AFF2: variants seen among roughly 807,000 people sequenced by gnomAD.
AFF2 encodes AF4/FMR2 family member 2.
A neutral mutation model predicts 76.9 loss-of-function variants in AFF2; 14 were observed. The observed-to-expected ratio is 0.18, with a 90% CI of 0.12 to 0.28. The LOEUF is 0.28. AFF2 is among the 10% of genes least tolerant of loss of function. The pLI, the probability that AFF2 is intolerant of heterozygous loss-of-function variation, is 1.00. For synonymous variants in AFF2, 398 were observed against 366.7 expected, an observed-to-expected ratio of 1.09 and a Z score of -0.98; for missense variants, 868 against 1,001.1, an observed-to-expected ratio of 0.87 and a Z score of 1.79.
intron 1 of AFF2, among the ~76,000 whole-genome samples, chrX:148,569,667 G>A (rs1557242211): frequency 9.0e-6 from 1 of 111,306 alleles, no homozygotes; most frequent in Non-Finnish European, 1.9e-5. Context: ...TTGACCTCTA[G>A]AGCTGAAGTC....
At chrX:148,688,561 G>A (rs782137256) in intron 3 of AFF2, among the ~76,000 whole-genome samples, 3 of 111,430 alleles carry the variant, frequency 2.7e-5, no homozygotes, top group Non-Finnish European at 5.6e-5. Context: ...GGAGTATAGT[G>A]AAATTAATTT....
chrX:148,890,150 G>A (rs2124162101), intron 8 of AFF2, among the ~76,000 whole-genome samples: 1 of 111,802 alleles, frequency 8.9e-6, no homozygotes, highest in Admixed American at 9.5e-5. Flanking sequence ...CTGTGTGCCT[G>A]GCCATGAGTA....
At chrX:148,700,833 C>T (rs1447201013) in intron 3 of AFF2, among the ~76,000 whole-genome samples, 3 of 111,237 alleles carry the variant, frequency 2.7e-5, no homozygotes, top group Non-Finnish European at 1.9e-5. Context: ...AAGCAAATGT[C>T]CTGTCAAAAT....
chrX:148,865,089 T>A (rs1407957049), intron 7 of AFF2, among the ~76,000 whole-genome samples: 1 of 112,466 alleles, frequency 8.9e-6, no homozygotes, highest in African/African-American at 3.2e-5. Context: ...AATTGAATAA[T>A]GTGAAATAAC....
intron 3 of AFF2, among the ~76,000 whole-genome samples, chrX:148,683,525 G>T (rs1557260112): frequency 8.9e-6 from 1 of 112,073 alleles, no homozygotes; most frequent in African/African-American, 3.2e-5. Context: ...TCTTGCGAAT[G>T]AAGAGGTCTG....
chrX:148,913,896 A>G (rs1478761221), intron 9 of AFF2, among the ~76,000 whole-genome samples: 19 of 112,380 alleles, frequency 1.7e-4, no homozygotes, highest in Admixed American at 7.5e-4. Context: ...GTAGAGTCAC[A>G]TAGCTAACCT....
chrX:148,891,227 G>A lies in AFF2; in HGVS notation c.1359+5242G>A, dbSNP rs140414287. 9.9e-3 allele frequency among the ~76,000 whole-genome samples: 1,108 copies of A among 111,462 alleles called. 41 individuals are homozygous for A. Among genetic ancestry groups the A allele is most frequent in the Admixed American group, 0.091 (955 of 10,489 alleles). ...CGTTTTGGGAGTGGGAATATGTTAT[G>A]TTCTCTGTATGCCCTGCCTCATACC... On this transcript the variant is annotated intron_variant, in intron 8 of 20. Coordinates refer to ENST00000370460, the MANE Select transcript of AFF2 (RefSeq NM_002025.4).
chrX:148,672,607 C>G, intron 3 of AFF2, among the ~76,000 whole-genome samples: 1 of 112,068 alleles, frequency 8.9e-6, no homozygotes, highest in Non-Finnish European at 1.9e-5. Context: ...GTTAAAATTC[C>G]CTTCTTAGGT....
At chrX:148,949,663 G>T (rs2071942388) in intron 9 of AFF2, among the ~76,000 whole-genome samples, 1 of 112,520 alleles carries the variant, frequency 8.9e-6, no homozygotes. Context: ...ACAAATGTGG[G>T]TCCTTTGAGA....
intron 3 of AFF2, chrX:148,718,975 C>A: frequency 1.4e-6 from 1 of 733,661 alleles, no homozygotes; most frequent in Non-Finnish European, 1.8e-6. Flanking sequence ...ATGGAGGAAG[C>A]TAACAAAACA....
intron 1 of AFF2, among the ~76,000 whole-genome samples, chrX:148,645,560 GT>G (rs1457892951): frequency 1.8e-5 from 2 of 111,849 alleles, no homozygotes; most frequent in Admixed American, 1.9e-4. Context: ...TTTCTAGTAG[GT>G]TTTTACCACT....
intron 1 of AFF2, among the ~76,000 whole-genome samples, chrX:148,597,728 T>A (rs2053588283): frequency 9.0e-6 from 1 of 111,024 alleles, no homozygotes; most frequent in African/African-American, 3.3e-5. Flanking sequence ...CATGAGATAA[T>A]CACCCCCCTG....
At chrX:148,922,243 G>A (rs782723193) in intron 9 of AFF2, among the ~76,000 whole-genome samples, 13 of 111,835 alleles carry the variant, frequency 1.2e-4, no homozygotes, top group African/African-American at 3.9e-4. Context: ...TCTTCCAAAC[G>A]GATGATGTCG....
intron 2 of AFF2, among the ~76,000 whole-genome samples, chrX:148,653,645 A>G (rs938405990): frequency 3.1e-4 from 35 of 111,877 alleles, no homozygotes; most frequent in African/African-American, 1.1e-3. Context: ...GGGAGGGGAA[A>G]CTAAGGAAAG....
At chrX:148,527,657 G>C (rs1321590824) in intron 1 of AFF2, among the ~76,000 whole-genome samples, 1 of 111,397 alleles carries the variant, frequency 9.0e-6, no homozygotes, top group African/African-American at 3.3e-5. Flanking sequence ...AAGATATATA[G>C]GCTATTTTAA....
intron 8 of AFF2, among the ~76,000 whole-genome samples, chrX:148,903,948 T>C (rs1487162173): frequency 9.0e-6 from 1 of 111,209 alleles, no homozygotes; most frequent in Non-Finnish European, 1.9e-5. Flanking sequence ...GAAGTCCACT[T>C]TTATGGTCCC....
At chrX:148,692,446 C>T (rs782092098) in intron 3 of AFF2, among the ~76,000 whole-genome samples, 2 of 112,019 alleles carry the variant, frequency 1.8e-5, no homozygotes, top group South Asian at 7.5e-4. Flanking sequence ...TCACAAGACC[C>T]ACAGTATTCC....
chrX:148,809,239 T>A (rs782815885), intron 3 of AFF2, among the ~76,000 whole-genome samples: 1 of 112,090 alleles, frequency 8.9e-6, no homozygotes, highest in Non-Finnish European at 1.9e-5. Context: ...TCACTGACTA[T>A]AAAGCACCTG....
intron 3 of AFF2, among the ~76,000 whole-genome samples, chrX:148,783,952 G>A (rs1557269285): frequency 8.9e-6 from 1 of 111,781 alleles, no homozygotes; most frequent in Non-Finnish European, 1.9e-5. Flanking sequence ...GTCTCTCCAT[G>A]TGTTTGCAGC....
Sources: allele counts gnomAD v4.1 joint callset (sites outside exome capture counted in the v4.1 genomes callset), GRCh38; gene constraint gnomAD v4.1.1; transcripts MANE v1.5; gene names NCBI Gene and HGNC (gene_info 2026-07-23, HGNC 2026-07-21).